Variants in MORN1 observed in about 807,000 individuals in gnomAD.
The protein encoded by MORN1 is MORN repeat-containing protein 1.
A neutral mutation model predicts 61.9 loss-of-function variants in MORN1; 67 were observed. The ratio of observed to expected loss-of-function variants is 1.08; its 90% CI spans 0.89 to 1.33. The LOEUF (loss-of-function observed/expected upper bound fraction) is 1.33, where lower values mean the gene tolerates loss of function less well. Ranked by LOEUF, MORN1 falls within the 40% of genes most tolerant of loss-of-function variation. MORN1 has a pLI of 0.00. For missense variants in MORN1, 752 were observed against 691.2 expected, an observed-to-expected ratio of 1.09 and a Z score of -0.99; for synonymous variants, 301 against 292.0, an observed-to-expected ratio of 1.03 and a Z score of -0.31.
In MORN1 at chr1:2,350,084, GACA is replaced by G. The variant is rs372445143; in HGVS notation, c.1036+7345_1036+7347del. Among the ~76,000 whole-genome samples the G allele has an allele frequency of 5.6e-4, 85 of 152,330 alleles. No individual in the cohort carries two copies. The East Asian group carries it at 0.013, about 23-fold the overall frequency. On this transcript the variant is annotated intron_variant, in intron 10 of 13. Coordinates refer to ENST00000378531, the MANE Select transcript of MORN1 (RefSeq NM_024848.3). Reference sequence around the variant, plus strand: ...ATTGGGCCCAGGCAGGCACCCCACTGACAACAAGGGACACAAAAGGGTTCTGCA... The same window carrying G: ...ATTGGGCCCAGGCAGGCACCCCACTGACAAGGGACACAAAAGGGTTCTGCA...
intron 10 of MORN1, among the ~76,000 whole-genome samples, chr1:2,342,399 G>A (rs1391812532): frequency 3.3e-5 from 5 of 152,374 alleles, no homozygotes; most frequent in South Asian, 2.1e-4. Context: ...CGTTGACTTC[G>A]TTTAAGTGGA....
chr1:2,331,078 C>CCTCATGT (rs1282280996), intron 12 of MORN1, among the ~76,000 whole-genome samples: 5 of 152,100 alleles, frequency 3.3e-5, no homozygotes, highest in Non-Finnish European at 7.4e-5. Context: ...CGTGCGGGGC[C>CCTCATGT]CTCATGTCTG....
intron 4 of MORN1, chr1:2,386,798 G>A (rs1384802635): frequency 6.5e-6 from 1 of 154,176 alleles, no homozygotes; most frequent in African/African-American, 2.4e-5. Flanking sequence ...TTATGTGCTT[G>A]ACTCCTGTCT....
intron 1 of MORN1, chr1:2,390,678 ATAG>A: frequency 1.0e-6 from 1 of 985,140 alleles, no homozygotes; most frequent in Non-Finnish European, 1.2e-6. Context: ...CTACCTGAAG[ATAG>A]TAGTGTTAGC....
At chr1:2,348,651 G>A (rs903279309) in intron 10 of MORN1, among the ~76,000 whole-genome samples, 3 of 146,068 alleles carry the variant, frequency 2.1e-5, no homozygotes, top group Non-Finnish European at 3.0e-5. Context: ...GCGCAGGCAC[G>A]CACACACGCA....
At chr1:2,324,189 C>T (rs2100217181) in intron 12 of MORN1, 46 bp from the exon 13 acceptor site, 1 of 1,551,070 alleles carries the variant, frequency 6.4e-7, no homozygotes. Context: ...TGCCTGGGCC[C>T]CGACGACATG....
Position 2,322,635 on chromosome 1 carries a change from C to T in MORN1, c.1298-1056G>A, listed in dbSNP as rs186776492. ...ACCTGGCGGGTGTGGGCCACAGCAC[C>T]GGGCACCGGGGACAGCCTCCCTGGC... On this transcript the variant is annotated intron_variant, in intron 13 of 13. Coordinates refer to ENST00000378531, the MANE Select transcript of MORN1 (RefSeq NM_024848.3). 2.5e-4 allele frequency: 243 copies of T among 985,438 alleles called. No individual in the cohort carries two copies. In the East Asian group the frequency reaches 0.011, roughly 43 times the overall value. 61.0% of individuals were successfully genotyped at this position (985,438 alleles called of 1,614,324 possible).
chr1:2,322,681 A>G (rs1020566123), intron 13 of MORN1: 20 of 985,304 alleles, frequency 2.0e-5, no homozygotes, highest in South Asian at 4.7e-5. Flanking sequence ...AGAGCCCCAC[A>G]TGGCAACGCC....
intron 13 of MORN1, chr1:2,322,484 G>A (rs1400040883): frequency 4.1e-6 from 4 of 985,212 alleles, no homozygotes; most frequent in Non-Finnish European, 4.8e-6. Context: ...CCGCCTGTGC[G>A]TTCCCAGGGC....
chr1:2,345,046 T>C (rs1161459834), intron 10 of MORN1, among the ~76,000 whole-genome samples: 1 of 150,864 alleles, frequency 6.6e-6, no homozygotes, highest in African/African-American at 2.5e-5. Flanking sequence ...GATGACCATA[T>C]GTGCCCCGAA....
intron 7 of MORN1, among the ~76,000 whole-genome samples, chr1:2,373,736 G>T (rs936079060): frequency 6.6e-6 from 1 of 152,190 alleles, no homozygotes; most frequent in African/African-American, 2.4e-5. Context: ...CTGCCTTCCC[G>T]AAGATCTCAG....
chr1:2,325,817 G>T (rs910413870), intron 12 of MORN1, among the ~76,000 whole-genome samples: 10 of 151,878 alleles, frequency 6.6e-5, no homozygotes, highest in Admixed American at 6.6e-4. Flanking sequence ...TGGGGATGGG[G>T]TCTCACTATG....
intron 5 of MORN1, chr1:2,385,586 G>A: frequency 2.4e-6 from 1 of 416,958 alleles, no homozygotes; most frequent in Non-Finnish European, 4.3e-6. Flanking sequence ...ACACACAATT[G>A]GTCAATTTCA....
chr1:2,357,358 C>T lies in MORN1; in HGVS notation c.1036+74G>A. 2 of 1,501,304 alleles carry T rather than the reference C, an allele frequency of 1.3e-6. No homozygotes were observed. The highest frequency in any genetic ancestry group is 1.8e-6 in the Non-Finnish European group (2 of 1,113,058). The allele number at this position is 1,501,304 out of a possible 1,614,324, so 93.0% of individuals were successfully genotyped here. On this transcript the variant is annotated intron_variant, in intron 10 of 13. Transcript: ENST00000378531. This position sits in a 1 kb window ranked among gnomAD's most constrained non-coding sequence, Gnocchi z 6.3. ...CCTGCTCTGGCCTGGTTCTGGGTCC[C>T]CATGACCCCACCCCCACCTTGACTG...
chr1:2,353,158 C>T (rs188287010), intron 10 of MORN1, among the ~76,000 whole-genome samples: 16 of 152,316 alleles, frequency 1.1e-4, no homozygotes, highest in Non-Finnish European at 2.1e-4. Context: ...AAGCAGGCAG[C>T]GCTGTGACTG....
intron 12 of MORN1, among the ~76,000 whole-genome samples, chr1:2,330,615 T>C (rs1388486743): frequency 6.6e-6 from 1 of 152,200 alleles, no homozygotes; most frequent in African/African-American, 2.4e-5. Flanking sequence ...TAATGACTGA[T>C]TAAATGACTA....
At chr1:2,389,648 G>A (rs533800341) in intron 2 of MORN1, among the ~76,000 whole-genome samples, 5 of 152,336 alleles carry the variant, frequency 3.3e-5, no homozygotes, top group Admixed American at 3.3e-4. Context: ...AAACCATAAA[G>A]CCAGTTTTCA....
At chr1:2,325,365 C>T (rs145796896) in intron 12 of MORN1, among the ~76,000 whole-genome samples, 147 of 150,094 alleles carry the variant, frequency 9.8e-4, no homozygotes, top group Middle Eastern at 3.4e-3. Flanking sequence ...TAGAGTGCAG[C>T]GGCATAATCA....
At position 2,356,935 on chromosome 1, in the gene MORN1, G is replaced by A. The variant is rs978311709; in HGVS notation, c.1036+497C>T. 7.9e-5 allele frequency among the ~76,000 whole-genome samples: 12 copies of A among 152,264 alleles called. 1 individual carries two copies. The highest frequency in any genetic ancestry group is 1.5e-4 in the Non-Finnish European group (10 of 67,998). ...GAGTTGGGGGCTGGGGGGTTCTGCCGGAGCACCTGGGCCTCATCTCCACGA... is the reference window on the plus strand; with the variant it reads ...GAGTTGGGGGCTGGGGGGTTCTGCCAGAGCACCTGGGCCTCATCTCCACGA... On this transcript the variant is annotated intron_variant, in intron 10 of 13. Coordinates refer to ENST00000378531, the MANE Select transcript of MORN1 (RefSeq NM_024848.3).
Sources: gnomAD v4.1 joint callset for allele counts (sites outside exome capture counted in the v4.1 genomes callset) on GRCh38, gnomAD v4.1.1 for gene constraint, Gnocchi (gnomAD v3.1) non-coding constraint, MANE v1.5 for transcripts, NCBI Gene and HGNC (gene_info 2026-07-23, HGNC 2026-07-21) for gene names.